Variants in SLC45A4 observed in about 807,000 individuals in gnomAD.
The protein encoded by SLC45A4 is polyamine-transporter SLC45A4.
SLC45A4 carries 32 observed loss-of-function variants against 63.7 expected under a neutral mutation model. The ratio of observed to expected loss-of-function variants is 0.50; its 90% CI spans 0.38 to 0.67. The LOEUF (loss-of-function observed/expected upper bound fraction) is 0.67. Ranked by LOEUF, SLC45A4 falls within the 30% of genes least tolerant of loss-of-function variation. The probability of loss-of-function intolerance (pLI) is 0.00; values close to 1 mark genes in which losing one functional copy is unlikely to be tolerated. For synonymous variants in SLC45A4, 535 were observed against 510.0 expected, an observed-to-expected ratio of 1.05 and a Z score of -0.66; for missense variants, 1,027 against 1,157.7, an observed-to-expected ratio of 0.89 and a Z score of 1.64.
intron 1 of SLC45A4, among the ~76,000 whole-genome samples, chr8:141,266,638 G>A (rs1019526371): frequency 6.6e-6 from 1 of 152,224 alleles, no homozygotes; most frequent in African/African-American, 2.4e-5. Context: ...AGCCACAAAC[G>A]GGGTAAAAGT....
In SLC45A4 at chr8:141,262,082, T is replaced by G. The variant is rs76638544; in HGVS notation, c.-400-7453A>C. On this transcript the variant is annotated intron_variant, in intron 1 of 8. Coordinates refer to ENST00000517878, the MANE Select transcript of SLC45A4 (RefSeq NM_001286646.2). ...ATGCCACATATCTACAACCATCTAA[T>G]CTTTGACAAACCTGACAAAAACAAG... 6.4e-4 allele frequency among the ~76,000 whole-genome samples: 98 copies of G among 152,142 alleles called. No homozygotes were observed. In the East Asian group the frequency reaches 0.011, roughly 17 times the overall value.
At chr8:141,249,717 CTG>C (rs1419071967) in intron 2 of SLC45A4, among the ~76,000 whole-genome samples, 3 of 152,202 alleles carry the variant, frequency 2.0e-5, no homozygotes, top group African/African-American at 7.2e-5. Context: ...CACTGTGGCT[CTG>C]GGTATGGACA....
chr8:141,263,640 T>G (rs1057152624), intron 1 of SLC45A4, among the ~76,000 whole-genome samples: 3 of 150,522 alleles, frequency 2.0e-5, no homozygotes, highest in Admixed American at 6.6e-5. Context: ...CATGGTGGCA[T>G]GTGCCTGTAA....
Position 141,218,474 on chromosome 8 carries a change from G to C in SLC45A4, c.1166C>G (p.Ser389Cys). The change falls in exon 5 of 9, where the codon TCC (serine) becomes TGC (cysteine). Residue 389 changes from serine (S) to cysteine (C), a missense_variant. By Grantham distance (112) the Ser-to-Cys change is moderately radical (BLOSUM62 -1). Coordinates refer to ENST00000517878, the MANE Select transcript of SLC45A4 (RefSeq NM_001286646.2). ...NEAKVPNGSG[S>C]PTKDALGGYT... ...GCCGCCGAGGGCGTCTTTTGTGGGGGAGCCACTTCCGTTTGGGACTTTAGC... is the reference window on the plus strand; with the variant it reads ...GCCGCCGAGGGCGTCTTTTGTGGGGCAGCCACTTCCGTTTGGGACTTTAGC... 6.2e-7 allele frequency: 1 copy of C among 1,613,154 alleles called. No homozygotes were observed. Among genetic ancestry groups the C allele is most frequent in the Admixed American group, 1.7e-5 (1 of 60,030 alleles).
intron 2 of SLC45A4, among the ~76,000 whole-genome samples, chr8:141,230,905 C>T (rs556533276): frequency 1.2e-4 from 18 of 152,318 alleles, no homozygotes; most frequent in African/African-American, 3.8e-4. Context: ...CTGCCCCACC[C>T]GGGGATCCAG....
intron 2 of SLC45A4, among the ~76,000 whole-genome samples, chr8:141,238,232 A>T (rs758883726): frequency 6.6e-6 from 1 of 152,192 alleles, no homozygotes; most frequent in Non-Finnish European, 1.5e-5. Context: ...CGTCACCATC[A>T]AGCTATAAGT....
At chr8:141,267,735 G>C (rs760523615) in intron 1 of SLC45A4, among the ~76,000 whole-genome samples, 1 of 148,916 alleles carries the variant, frequency 6.7e-6, no homozygotes. Context: ...CTCCACACTC[G>C]AGGTCCTCAA....
rs1469541062 is a variant in SLC45A4 at position 141,221,674 on chromosome 8, C to T, written c.333G>A (p.Arg111=). 2 of 1,614,092 alleles carry T rather than the reference C, an allele frequency of 1.2e-6. No homozygotes were observed. The highest frequency in any genetic ancestry group is 8.5e-7 in the Non-Finnish European group (1 of 1,180,034). ...FTPLIGSASD[R]CTLSWGRRRP... The stretch of plus-strand genomic sequence containing the variant: ...GCCGGCGGCCCCAGCTCAGGGTGCA[C>T]CGGTCACTCGCAGACCCAATGAGAG... Residue 111 remains arginine (R), a synonymous_variant, in exon 3 of 9, where the codon CGG becomes CGA. Coordinates refer to ENST00000517878, the MANE Select transcript of SLC45A4 (RefSeq NM_001286646.2).
At chr8:141,219,914 A>G in intron 3 of SLC45A4, 85 bp from the exon 4 acceptor site, 1 of 1,324,496 alleles carries the variant, frequency 7.6e-7, no homozygotes, top group Non-Finnish European at 1.0e-6. Context: ...TGGAAGGGGC[A>G]TGCGGAGGGG....
intron 8 of SLC45A4, 22 bp downstream of exon 8, chr8:141,212,175 T>C: frequency 5.2e-6 from 5 of 966,968 alleles, no homozygotes; most frequent in Non-Finnish European, 6.5e-6. Context: ...GGAATGTGTG[T>C]AAACGGGAGT....
chr8:141,260,745 C>G (rs145558753), intron 1 of SLC45A4, among the ~76,000 whole-genome samples: 1 of 152,064 alleles, frequency 6.6e-6, no homozygotes, highest in Non-Finnish European at 1.5e-5. Flanking sequence ...AGCTTACCAA[C>G]CAAAAAAAGT....
At chr8:141,261,733 C>G (rs1326741095) in intron 1 of SLC45A4, among the ~76,000 whole-genome samples, 2 of 151,998 alleles carry the variant, frequency 1.3e-5, no homozygotes, top group Non-Finnish European at 2.9e-5. Context: ...AGGATACAAA[C>G]AAATGGAAGA....
At chr8:141,263,538 C>A (rs192130971) in intron 1 of SLC45A4, among the ~76,000 whole-genome samples, 4 of 151,486 alleles carry the variant, frequency 2.6e-5, no homozygotes, top group South Asian at 2.1e-4. Context: ...GAGGCCGAGG[C>A]GGGTAGATCA....
intron 1 of SLC45A4, among the ~76,000 whole-genome samples, chr8:141,274,097 C>G (rs978532766): frequency 1.3e-5 from 2 of 152,122 alleles, no homozygotes; most frequent in African/African-American, 4.8e-5. Flanking sequence ...GGCGTGGTGG[C>G]AGGCGCCGAT....
chr8:141,262,601 A>C (rs1380103310), intron 1 of SLC45A4, among the ~76,000 whole-genome samples: 1 of 150,598 alleles, frequency 6.6e-6, no homozygotes, highest in African/African-American at 2.4e-5. Context: ...GCAGCCAAAA[A>C]ACACATGAAA....
chr8:141,294,455 G>A (rs376560628), intron 1 of SLC45A4, among the ~76,000 whole-genome samples: 261 of 152,334 alleles, frequency 1.7e-3, no homozygotes, highest in African/African-American at 6.1e-3. Flanking sequence ...TAGCACTGCA[G>A]GCAGATGGCC....
intron 1 of SLC45A4, among the ~76,000 whole-genome samples, chr8:141,257,585 C>T (rs1368326639): frequency 6.6e-6 from 1 of 152,228 alleles, no homozygotes; most frequent in Non-Finnish European, 1.5e-5. Context: ...TCCTAAGAGT[C>T]GTTCCAGTAA....
At chr8:141,236,042 T>C (rs939295451) in intron 2 of SLC45A4, among the ~76,000 whole-genome samples, 5 of 152,238 alleles carry the variant, frequency 3.3e-5, no homozygotes, top group Non-Finnish European at 5.9e-5. Flanking sequence ...AGGTGGAGGT[T>C]GCAGTGAGCC....
chr8:141,242,896 G>A (rs1367608427), intron 2 of SLC45A4, among the ~76,000 whole-genome samples: 1 of 152,234 alleles, frequency 6.6e-6, no homozygotes, highest in Non-Finnish European at 1.5e-5. Context: ...TGTGGTAGGA[G>A]GCTATAGAAT....
Sources: gnomAD v4.1 joint callset for allele counts (sites outside exome capture counted in the v4.1 genomes callset) on GRCh38, gnomAD v4.1.1 for gene constraint, MANE v1.5 for transcripts, NCBI Gene and HGNC (gene_info 2026-07-23, HGNC 2026-07-21) for gene names.